The following ADARB2 variants were observed in gnomAD, a reference collection of about 807,000 sequenced individuals.
ADARB2 encodes inactive double-stranded RNA-specific editase B2.
In ADARB2, 25 loss-of-function variants were observed where a neutral mutation model predicts 62.2. The ratio of observed to expected loss-of-function variants is 0.40; its 90% CI spans 0.29 to 0.56. The LOEUF (loss-of-function observed/expected upper bound fraction) is 0.56. Ranked by LOEUF, ADARB2 falls within the 20% of genes least tolerant of loss-of-function variation. The pLI is 0.43. For synonymous variants in ADARB2, 572 were observed against 500.8 expected (o/e 1.14, Z -1.90); for missense variants, 1,071 against 1,077.4 (o/e 0.99, Z 0.08).
intron 1 of ADARB2, among the ~76,000 whole-genome samples, chr10:1,652,985 C>T (rs74578442): frequency 2.6e-5 from 4 of 152,172 alleles, no homozygotes; most frequent in East Asian, 1.9e-4. Context: ...GCCCCTCAGA[C>T]GATGGAGGCC....
chr10:1,327,002 T>TCCCCACG (rs1831862022), intron 3 of ADARB2, among the ~76,000 whole-genome samples: 2 of 2,438 alleles, frequency 8.2e-4, no homozygotes, highest in African/African-American at 2.2e-3. Context: ...GCCTCCCCAC[T>TCCCCACG]GCCCAGCGCC....
At chr10:1,263,380 C>G (rs1387950689) in intron 4 of ADARB2, among the ~76,000 whole-genome samples, 2 of 152,200 alleles carry the variant, frequency 1.3e-5, no homozygotes, top group Non-Finnish European at 2.9e-5. Context: ...ACACTGGATG[C>G]TAGTGTCCTT....
chr10:1,325,185 G>A (rs1798678916), intron 3 of ADARB2, among the ~76,000 whole-genome samples: 1 of 152,204 alleles, frequency 6.6e-6, no homozygotes, highest in South Asian at 2.1e-4. Flanking sequence ...ACATGTCACA[G>A]ATAGTGTCCA....
intron 1 of ADARB2, among the ~76,000 whole-genome samples, chr10:1,509,802 A>G (rs1831897668): frequency 6.6e-6 from 1 of 152,230 alleles, no homozygotes; most frequent in Non-Finnish European, 1.5e-5. Flanking sequence ...GGGAATTCAG[A>G]TGAGAGCCTG....
intron 1 of ADARB2, among the ~76,000 whole-genome samples, chr10:1,603,118 C>T (rs56957716): frequency 0.25 from 37,529 of 150,956 alleles, 4,961 homozygotes; most frequent in East Asian, 0.41. Context: ...CACCTATACA[C>T]ACACACCTAT....
At chr10:1,608,015 C>G (rs1340681408) in intron 1 of ADARB2, among the ~76,000 whole-genome samples, 1 of 152,236 alleles carries the variant, frequency 6.6e-6, no homozygotes, top group African/African-American at 2.4e-5. Context: ...CATGGGGGGC[C>G]AAGACCACAG....
intron 3 of ADARB2, among the ~76,000 whole-genome samples, chr10:1,348,203 A>G (rs1832098963): frequency 6.6e-6 from 1 of 152,146 alleles, no homozygotes. Context: ...GTCATTTCTC[A>G]TGGGAGGAAC....
intron 6 of ADARB2, among the ~76,000 whole-genome samples, chr10:1,223,459 T>C (rs571520378): frequency 6.6e-6 from 1 of 152,292 alleles, no homozygotes; most frequent in African/African-American, 2.4e-5. Flanking sequence ...CTATGTTGAA[T>C]AGGAGTGGTG....
chr10:1,371,572 G>C (rs372268399), intron 2 of ADARB2, among the ~76,000 whole-genome samples: 47 of 152,070 alleles, frequency 3.1e-4, no homozygotes, highest in African/African-American at 1.0e-3. Context: ...GCTAATATCC[G>C]GAATCTGCAT....
chr10:1,427,085 T>C (rs1222143527), intron 1 of ADARB2, among the ~76,000 whole-genome samples: 1 of 152,238 alleles, frequency 6.6e-6, no homozygotes, highest in East Asian at 1.9e-4. Context: ...CCTCCATAAG[T>C]AGACTCACAT....
At chr10:1,702,936 G>T (rs2119142514) in intron 1 of ADARB2, among the ~76,000 whole-genome samples, 1 of 152,330 alleles carries the variant, frequency 6.6e-6, no homozygotes, top group African/African-American at 2.4e-5. Flanking sequence ...TCAGATGGTA[G>T]GGACTCATTT....
At chr10:1,649,747 T>C (rs1834087525) in intron 1 of ADARB2, among the ~76,000 whole-genome samples, 1 of 152,214 alleles carries the variant, frequency 6.6e-6, no homozygotes, top group African/African-American at 2.4e-5. Flanking sequence ...ACCCCAGTCC[T>C]GAGTTGATGG....
intron 1 of ADARB2, among the ~76,000 whole-genome samples, chr10:1,420,453 C>T (rs942192536): frequency 5.3e-5 from 8 of 152,158 alleles, no homozygotes; most frequent in African/African-American, 9.7e-5. Context: ...AGCACATTCA[C>T]ATCCGAGGGA....
At chr10:1,358,939 C>T (rs947006895) in intron 3 of ADARB2, among the ~76,000 whole-genome samples, 1 of 152,112 alleles carries the variant, frequency 6.6e-6, no homozygotes, top group African/African-American at 2.4e-5. Context: ...CTTTATTCTC[C>T]TTTCTAAATA....
chr10:1,604,305 T>G (rs1438005842), intron 1 of ADARB2, among the ~76,000 whole-genome samples: 1 of 152,232 alleles, frequency 6.6e-6, no homozygotes, highest in African/African-American at 2.4e-5. Flanking sequence ...TTTTTTGCAT[T>G]ATCTCATTTT....
At chr10:1,404,316 G>A (rs1310872163) in intron 1 of ADARB2, among the ~76,000 whole-genome samples, 5 of 152,184 alleles carry the variant, frequency 3.3e-5, no homozygotes, top group Admixed American at 2.0e-4. Flanking sequence ...GGCTGGTCTC[G>A]CAGGCCCTAC....
chr10:1,364,587 G>C (rs556388299), intron 2 of ADARB2, among the ~76,000 whole-genome samples: 1 of 152,228 alleles, frequency 6.6e-6, no homozygotes, highest in African/African-American at 2.4e-5. Context: ...AAAGTATTCG[G>C]GAAAAAATGG....
intron 1 of ADARB2, among the ~76,000 whole-genome samples, chr10:1,475,219 G>A (rs1303517239): frequency 6.6e-6 from 1 of 152,230 alleles, no homozygotes. Context: ...GCCAGAGGCA[G>A]GTCTCCCGCT....
chr10:1,275,416 C>T (rs1055111121), intron 3 of ADARB2, among the ~76,000 whole-genome samples: 16 of 152,342 alleles, frequency 1.1e-4, no homozygotes, highest in Non-Finnish European at 1.8e-4. Context: ...AGGGCGGCTC[C>T]AGGCAGCAGC....
Sources: allele counts gnomAD v4.1 joint callset (sites outside exome capture counted in the v4.1 genomes callset), GRCh38; gene constraint gnomAD v4.1.1; transcripts MANE v1.5; gene names NCBI Gene and HGNC (gene_info 2026-07-23, HGNC 2026-07-21).